Variants in STK3 observed in about 807,000 individuals in gnomAD.
STK3 encodes the protein serine/threonine kinase 3.
A neutral mutation model predicts 58.0 loss-of-function variants in STK3; 41 were observed. The observed-to-expected ratio is 0.71, with a 90% CI of 0.55 to 0.92. The LOEUF is 0.92. STK3 is among the 40% of genes least tolerant of loss of function. STK3 has a pLI of 0.00. For missense variants in STK3, 479 were observed against 602.7 expected (o/e 0.79, Z 2.15); for synonymous variants, 170 against 191.0 (o/e 0.89, Z 0.91).
rs1308589032 is a variant in STK3, at chr8:98,428,488, G to T, written n.483+5639C>A. On this transcript the variant is annotated intron_variant and non_coding_transcript_variant, in intron 3 of 3. Coordinates refer to the STK3 transcript ENST00000517832. This position sits in a 1 kb window ranked among gnomAD's most constrained non-coding sequence, Gnocchi z 6.7. Reference sequence around the variant, plus strand: ...GATGGGCAGCCCCTCGGCAACTTCCGCAGGCAGCTGTGGCTGGCGCTGGAC... The same window carrying T: ...GATGGGCAGCCCCTCGGCAACTTCCTCAGGCAGCTGTGGCTGGCGCTGGAC... 7.4e-6 allele frequency: 12 copies of T among 1,614,054 alleles called. No individual in the cohort carries two copies. The highest frequency in any genetic ancestry group is 6.8e-6 in the Non-Finnish European group (8 of 1,180,024).
At chr8:98,481,385 G>A (rs937923089) in intron 10 of STK3, among the ~76,000 whole-genome samples, 3 of 152,096 alleles carry the variant, frequency 2.0e-5, no homozygotes, top group African/African-American at 7.2e-5. Flanking sequence ...TAAAGAAAAT[G>A]TGTTATATCT....
At chr8:98,618,082 G>A (rs777017722) in intron 6 of STK3, among the ~76,000 whole-genome samples, 3,100 of 151,516 alleles carry the variant, frequency 0.02, 48 homozygotes, top group Middle Eastern at 0.051. Flanking sequence ...CTGGCAAACC[G>A]AATCCAGCAG....
At chr8:98,733,023 T>G (rs902712895) in intron 4 of STK3, among the ~76,000 whole-genome samples, 1 of 152,182 alleles carries the variant, frequency 6.6e-6, no homozygotes, top group African/African-American at 2.4e-5. Flanking sequence ...GCTGGGAACA[T>G]TCTTCTTTGG....
intron 4 of STK3, among the ~76,000 whole-genome samples, chr8:98,740,531 G>C (rs1829104335): frequency 6.6e-6 from 1 of 152,162 alleles, no homozygotes; most frequent in Admixed American, 6.5e-5. Context: ...ATACTTAACA[G>C]ACAAGCAAAG....
At chr8:98,581,810 A>C (rs1014483568) in intron 7 of STK3, among the ~76,000 whole-genome samples, 1 of 151,658 alleles carries the variant, frequency 6.6e-6, no homozygotes, top group Admixed American at 6.6e-5. Flanking sequence ...CTAGCAGTCT[A>C]TTGCCTTCTT....
intron 3 of STK3, among the ~76,000 whole-genome samples, chr8:98,838,881 T>G (rs1433554588): frequency 7.0e-6 from 1 of 142,544 alleles, no homozygotes; most frequent in East Asian, 2.4e-4. Flanking sequence ...GCCCCCACCC[T>G]ACCATCGAGG....
intron 3 of STK3, among the ~76,000 whole-genome samples, chr8:98,838,487 A>C (rs891430155): frequency 6.6e-6 from 1 of 152,134 alleles, no homozygotes; most frequent in African/African-American, 2.4e-5. Context: ...GGCATCAGTT[A>C]ATGCTGTTGG....
chr8:98,750,057 A>T (rs1226073914), intron 3 of STK3, among the ~76,000 whole-genome samples: 1 of 152,148 alleles, frequency 6.6e-6, no homozygotes, highest in African/African-American at 2.4e-5. Flanking sequence ...AATCTAACCT[A>T]TCTCAAAGAG....
chr8:98,852,707 C>T (rs1028097102), intron 3 of STK3, among the ~76,000 whole-genome samples: 19 of 152,184 alleles, frequency 1.2e-4, no homozygotes, highest in Non-Finnish European at 2.8e-4. Flanking sequence ...AATCTCCTTA[C>T]ATGTTTATGT....
upstream of STK3, among the ~76,000 whole-genome samples, chr8:98,827,306 C>T (rs1835350825): frequency 6.6e-6 from 1 of 152,096 alleles, no homozygotes; most frequent in African/African-American, 2.4e-5. Flanking sequence ...TGCACTCCAG[C>T]CTGGGTGACA....
intron 8 of STK3, among the ~76,000 whole-genome samples, chr8:98,550,236 T>A (rs996415133): frequency 6.6e-6 from 1 of 152,146 alleles, no homozygotes; most frequent in Non-Finnish European, 1.5e-5. Flanking sequence ...TAAACCTACA[T>A]GCTAAGCTTG....
intron 10 of STK3, among the ~76,000 whole-genome samples, chr8:98,461,528 G>T (rs963229272): frequency 6.6e-6 from 1 of 152,110 alleles, no homozygotes; most frequent in Admixed American, 6.5e-5. Context: ...CATCACGTTG[G>T]TTGTTTTCTA....
At chr8:98,910,474 G>A (rs1839085360) in intron 1 of STK3, among the ~76,000 whole-genome samples, 1 of 152,014 alleles carries the variant, frequency 6.6e-6, no homozygotes, top group Non-Finnish European at 1.5e-5. Context: ...TAAACAATAA[G>A]TTGTTATTCA....
intron 1 of STK3, among the ~76,000 whole-genome samples, chr8:98,797,557 A>G (rs1833256046): frequency 6.6e-6 from 1 of 152,190 alleles, no homozygotes; most frequent in African/African-American, 2.4e-5. Context: ...CTGCAAAGGA[A>G]CACAACACAA....
intron 3 of STK3, among the ~76,000 whole-genome samples, chr8:98,408,393 T>C (rs2131036773): frequency 6.6e-6 from 1 of 152,332 alleles, no homozygotes. Context: ...TTCAGTGATG[T>C]AGAACAGATC....
intron 1 of STK3, among the ~76,000 whole-genome samples, chr8:98,443,816 T>C (rs1818789615): frequency 6.6e-6 from 1 of 152,180 alleles, no homozygotes; most frequent in Admixed American, 6.5e-5. Flanking sequence ...CCACTGCATA[T>C]TTCAAATGTA....
At chr8:98,671,804 C>A (rs951273367) in intron 6 of STK3, among the ~76,000 whole-genome samples, 2 of 152,086 alleles carry the variant, frequency 1.3e-5, no homozygotes, top group Admixed American at 6.5e-5. Context: ...GTATCCCCAC[C>A]CAAATCTTAC....
the STK3 span, among the ~76,000 whole-genome samples, chr8:98,346,618 G>A: frequency 3.3e-5 from 5 of 151,572 alleles, no homozygotes; most frequent in Non-Finnish European, 5.9e-5. Flanking sequence ...ACATTCAAAG[G>A]GACAAAGATA....
chr8:98,590,555 C>T (rs1815212331), intron 7 of STK3, among the ~76,000 whole-genome samples: 2 of 152,176 alleles, frequency 1.3e-5, no homozygotes, highest in African/African-American at 4.8e-5. Flanking sequence ...TCTCAAGGAG[C>T]AAAAAGCAGG....
Sources: allele counts gnomAD v4.1 joint callset (sites outside exome capture counted in the v4.1 genomes callset), GRCh38; gene constraint gnomAD v4.1.1; non-coding constraint Gnocchi (gnomAD v3.1); transcripts MANE v1.5; gene names NCBI Gene and HGNC (gene_info 2026-07-23, HGNC 2026-07-21).